The following CCDC88C variants were observed in gnomAD, a reference collection of about 807,000 sequenced individuals.
CCDC88C encodes the protein coiled-coil and HOOK domain protein 88C.
A neutral mutation model predicts 198.8 loss-of-function variants in CCDC88C; 131 were observed. The observed-to-expected ratio is 0.66, with a 90% confidence interval of 0.57 to 0.76. CCDC88C has a LOEUF of 0.76. CCDC88C is among the 30% of genes least tolerant of loss of function. CCDC88C has a pLI of 0.00. For missense variants in CCDC88C, 2,553 were observed against 2,631.6 expected, an observed-to-expected ratio of 0.97 and a Z score of 0.65; for synonymous variants, 1,166 against 1,114.7, an observed-to-expected ratio of 1.05 and a Z score of -0.92.
At position 91,313,965 on chromosome 14, in the gene CCDC88C, G is replaced by T; in HGVS notation, c.1851C>A (p.His617Gln). Residue 617 changes from histidine to glutamine, a missense_variant, in exon 15 of 30, where the codon CAC becomes CAA. By Grantham distance (24) the His-to-Gln change is conservative. Around this residue, in one of 2 missense-constraint regions of CCDC88C, gnomAD observed 1,260 missense variants for 1,412.0 expected, o/e 0.89. Transcript: ENST00000389857. This position sits in a 1 kb window ranked among gnomAD's most constrained non-coding sequence, Gnocchi z 5.2. ...TCTCCTTGGCCTGCTCCAAGTCCCT[G>T]TGCAGCTGCCGCTTCTCAAACTCCA... ...SQLEFEKRQL[H>Q]RDLEQAKEKG... 6.2e-7 allele frequency: 1 copy of T among 1,613,612 alleles called. No individual in the cohort carries two copies. Among genetic ancestry groups the T allele is most frequent in the Non-Finnish European group, 8.5e-7 (1 of 1,179,840 alleles).
chr14:91,271,889 T>A lies in CCDC88C; in HGVS notation c.*736A>T, dbSNP rs948243584. On this transcript the variant is annotated 3_prime_UTR_variant, in exon 30 of 30. Coordinates refer to ENST00000389857, the MANE Select transcript of CCDC88C (RefSeq NM_001080414.4). ...CCCCCCAATCCCCAGGCCTGGCAGA[T>A]CCAGTGTTTGCAGAAAAGTGAGCCA... is the stretch of plus-strand genomic sequence containing the variant. 6.5e-6 allele frequency: 1 copy of A among 152,838 alleles called. No homozygotes were observed. Among genetic ancestry groups the A allele is most frequent in the Non-Finnish European group, 1.5e-5 (1 of 68,240 alleles). The allele number at this position is 152,838 out of a possible 1,614,324, so 9.5% of individuals were successfully genotyped here. A position where few individuals can be genotyped will look rare whatever the true frequency, so the allele number is the denominator to read the frequency against.
intron 3 of CCDC88C, among the ~76,000 whole-genome samples, chr14:91,394,106 T>G (rs1402788354): frequency 6.6e-6 from 1 of 152,172 alleles, no homozygotes; most frequent in African/African-American, 2.4e-5. Context: ...AATTTTAAAG[T>G]CATTCAGCCT....
intron 6 of CCDC88C, among the ~76,000 whole-genome samples, chr14:91,341,831 C>T (rs868418585): frequency 1.3e-5 from 2 of 152,238 alleles, no homozygotes; most frequent in African/African-American, 4.8e-5. Context: ...ACTCCGCTGA[C>T]GCTCAGTGCA....
intron 3 of CCDC88C, among the ~76,000 whole-genome samples, chr14:91,370,309 A>T (rs1294551612): frequency 6.6e-6 from 1 of 152,252 alleles, no homozygotes; most frequent in Non-Finnish European, 1.5e-5. Flanking sequence ...GAGGCACAGC[A>T]CATCTTTATG....
At chr14:91,318,915 T>C (rs1445051912) in intron 13 of CCDC88C, among the ~76,000 whole-genome samples, 2 of 19,278 alleles carry the variant, frequency 1.0e-4, no homozygotes, top group Non-Finnish European at 1.5e-4. Context: ...CGAGACTCCG[T>C]CCAAAAAAAA....
chr14:91,281,091 T>C (rs994189829), intron 27 of CCDC88C: 58 of 466,244 alleles, frequency 1.2e-4, no homozygotes, highest in African/African-American at 1.0e-3. Flanking sequence ...TAAATACGCC[T>C]CAGAGCTACT....
At chr14:91,400,479 G>A (rs771642370) in intron 3 of CCDC88C, among the ~76,000 whole-genome samples, 26 of 152,216 alleles carry the variant, frequency 1.7e-4, no homozygotes, top group Non-Finnish European at 3.1e-4. Flanking sequence ...TCCCGCTGCC[G>A]ACATGGGGAC....
chr14:91,411,099 T>C (rs1222372989), intron 2 of CCDC88C, among the ~76,000 whole-genome samples: 1 of 152,198 alleles, frequency 6.6e-6, no homozygotes, highest in Non-Finnish European at 1.5e-5. Context: ...CTACTTACCG[T>C]GATTATTACG....
chr14:91,402,360 C>A (rs1156805045), intron 3 of CCDC88C, among the ~76,000 whole-genome samples: 1 of 152,188 alleles, frequency 6.6e-6, no homozygotes, highest in African/African-American at 2.4e-5. Flanking sequence ...TAAAGATAAT[C>A]CTAATTTTTA....
rs1567055305 is a variant in CCDC88C at position 91,293,434 on chromosome 14, CCG to C, written c.4112+737_4112+738del. 1.4e-3 allele frequency among the ~76,000 whole-genome samples: 202 copies of C among 143,366 alleles called. 5 individuals are homozygous for C. Among genetic ancestry groups the C allele is most frequent in the Non-Finnish European group, 2.0e-3 (134 of 65,452 alleles). The allele number at this position is 143,366 out of a possible 152,430, so 94.1% of individuals were successfully genotyped here. The stretch of plus-strand genomic sequence containing the variant: ...CCCTCACCTGCCACGGCCCACCTTC[CCG>C]TCCTCACCTGCCACGGTCCACCTTC... On this transcript the variant is annotated intron_variant, in intron 23 of 29. Transcript: ENST00000389857.
rs1256980846 is a variant in CCDC88C, at chr14:91,381,740, AGG to A, written c.271-22031_271-22030del. 1.3e-5 allele frequency among the ~76,000 whole-genome samples: 2 copies of A among 152,160 alleles called. No individual in the cohort carries two copies. The highest frequency in any genetic ancestry group is 4.8e-5 in the African/African-American group (2 of 41,434). ...TTCCAGGTACTTGGGAGGCTGAGGC[AGG>A]AGAATCGCTTGAACCCAGGAGGCAG... On this transcript the variant is annotated intron_variant, in intron 3 of 29. Transcript: ENST00000389857. The surrounding 1 kb of genome is among the most constrained non-coding windows in gnomAD (Gnocchi z 4.2).
intron 3 of CCDC88C, among the ~76,000 whole-genome samples, chr14:91,389,136 T>G (rs1885326821): frequency 6.6e-6 from 1 of 152,188 alleles, no homozygotes; most frequent in South Asian, 2.1e-4. Flanking sequence ...TTAGTTCATC[T>G]GAAGACCTGC....
At chr14:91,347,819 C>A (rs1272162803) in intron 4 of CCDC88C, among the ~76,000 whole-genome samples, 1 of 152,174 alleles carries the variant, frequency 6.6e-6, no homozygotes, top group African/African-American at 2.4e-5. Context: ...TTTGACCCAG[C>A]CATCCCATTA....
intron 6 of CCDC88C, 166 bp downstream of exon 6, chr14:91,342,214 T>C (rs1893340970): frequency 2.3e-6 from 1 of 439,226 alleles, no homozygotes; most frequent in Non-Finnish European, 4.1e-6. Flanking sequence ...GATGGCTATC[T>C]TTCCAAATAG....
intron 3 of CCDC88C, among the ~76,000 whole-genome samples, chr14:91,400,364 C>G (rs1886101876): frequency 6.6e-6 from 1 of 152,368 alleles, no homozygotes; most frequent in East Asian, 1.9e-4. Context: ...CCTCCTCAGG[C>G]ACATCTCCCA....
chr14:91,283,607 G>C (rs1890289370), intron 25 of CCDC88C, 90 bp from the exon 26 acceptor site: 6 of 1,265,088 alleles, frequency 4.7e-6, no homozygotes, highest in Non-Finnish European at 5.5e-6. Context: ...CAGGGCAGCA[G>C]GGCATGAGGA....
chr14:91,308,572 C>T, intron 16 of CCDC88C, 80 bp from the exon 17 acceptor site: 2 of 1,399,486 alleles, frequency 1.4e-6, no homozygotes, highest in African/African-American at 1.4e-5. Flanking sequence ...GCCAACACAT[C>T]ACTCCTTCCA....
At chr14:91,331,424 G>A (rs1892821039) in intron 10 of CCDC88C, among the ~76,000 whole-genome samples, 1 of 152,206 alleles carries the variant, frequency 6.6e-6, no homozygotes, top group African/African-American at 2.4e-5. Flanking sequence ...CTGGGGCCCT[G>A]TCTCCAGGCC....
intron 19 of CCDC88C, 75 bp from the exon 20 acceptor site, chr14:91,304,053 T>A (rs1891458150): frequency 1.3e-6 from 2 of 1,524,928 alleles, no homozygotes; most frequent in Admixed American, 3.5e-5. Context: ...GGTCAAGTGC[T>A]CGAGCAGACA....
Sources: allele counts gnomAD v4.1 joint callset (sites outside exome capture counted in the v4.1 genomes callset), GRCh38; gene constraint gnomAD v4.1.1; regional missense constraint gnomAD v4.1.1; non-coding constraint Gnocchi (gnomAD v3.1); transcripts MANE v1.5; gene names NCBI Gene and HGNC (gene_info 2026-07-23, HGNC 2026-07-21).